Variants in TMC1 observed in about 807,000 individuals in gnomAD.
The protein encoded by TMC1 is transmembrane channel-like protein 1.
Under a neutral mutation model 105.8 loss-of-function variants are expected in TMC1, and 84 were observed. That is an observed-to-expected ratio of 0.79 (90% CI 0.67 to 0.95). The LOEUF (loss-of-function observed/expected upper bound fraction) is 0.95. Ranked by LOEUF, TMC1 falls within the 40% of genes least tolerant of loss-of-function variation. The pLI is 0.00. For synonymous variants in TMC1, 315 were observed against 311.5 expected (o/e 1.01, Z -0.12); for missense variants, 817 against 914.1 (o/e 0.89, Z 1.37).
chr9:72,579,954 AG>A (rs1199515752), intron 2 of TMC1, among the ~76,000 whole-genome samples: 2 of 152,200 alleles, frequency 1.3e-5, no homozygotes, highest in Admixed American at 1.3e-4. Context: ...GAAAAGAATG[AG>A]GAAAACAAGA....
intron 9 of TMC1, chr9:72,741,315 A>G: frequency 3.0e-6 from 1 of 338,090 alleles, no homozygotes; most frequent in Non-Finnish European, 5.5e-6. Context: ...GTATTTCAGG[A>G]CAGCCAGCTT....
chr9:72,524,276 T>C (rs1823365358), intron 1 of TMC1, among the ~76,000 whole-genome samples: 1 of 152,152 alleles, frequency 6.6e-6, no homozygotes, highest in African/African-American at 2.4e-5. Context: ...TGCCCAAACG[T>C]CTCAAAAAGG....
At chr9:72,821,369 G>T (rs1554730444) in intron 20 of TMC1, among the ~76,000 whole-genome samples, 2 of 152,080 alleles carry the variant, frequency 1.3e-5, no homozygotes, top group Non-Finnish European at 1.5e-5. Flanking sequence ...GCGTGTGGTG[G>T]TGGGTGCCTG....
At chr9:72,716,702 G>T (rs555923248) in intron 8 of TMC1, among the ~76,000 whole-genome samples, 1 of 152,140 alleles carries the variant, frequency 6.6e-6, no homozygotes, top group East Asian at 1.9e-4. Flanking sequence ...GCTGGGCTCC[G>T]TGGGAGTGGG....
At chr9:72,573,309 G>T (rs7864744) in intron 1 of TMC1, among the ~76,000 whole-genome samples, 65,907 of 151,978 alleles carry the variant, frequency 0.43, 14,746 homozygotes, top group African/African-American at 0.54. Context: ...GAAAATGAAG[G>T]CTAATTCAGA....
At chr9:72,826,721 G>A in intron 20 of TMC1, 148 bp from the exon 21 acceptor site, 1 of 794,942 alleles carries the variant, frequency 1.3e-6, no homozygotes, top group Non-Finnish European at 2.2e-6. Flanking sequence ...TGAGGTCAAA[G>A]TGTCAGCAAG....
intron 2 of TMC1, among the ~76,000 whole-genome samples, chr9:72,585,891 G>A (rs1824547559): frequency 6.6e-6 from 1 of 152,166 alleles, no homozygotes; most frequent in South Asian, 2.1e-4. Flanking sequence ...CCTGAGGCTT[G>A]CCAGTATTGA....
At chr9:72,637,988 G>T (rs1279536691) in intron 4 of TMC1, among the ~76,000 whole-genome samples, 1 of 152,118 alleles carries the variant, frequency 6.6e-6, no homozygotes, top group Non-Finnish European at 1.5e-5. Flanking sequence ...AATTGCTGTA[G>T]TTCTTATGGT....
chr9:72,797,277 A>G (rs955778061), intron 17 of TMC1, among the ~76,000 whole-genome samples: 2 of 152,226 alleles, frequency 1.3e-5, no homozygotes, highest in Non-Finnish European at 2.9e-5. Flanking sequence ...AATTTTGTTA[A>G]AATGGCCATA....
intron 23 of TMC1, among the ~76,000 whole-genome samples, chr9:72,832,251 A>G (rs36049886): frequency 6.6e-6 from 1 of 152,028 alleles, no homozygotes; most frequent in African/African-American, 2.4e-5. Context: ...TGTGCCCAGC[A>G]TTCAGGGCAC....
chr9:72,535,865 C>G (rs1292065768), intron 1 of TMC1, among the ~76,000 whole-genome samples: 1 of 152,134 alleles, frequency 6.6e-6, no homozygotes, highest in African/African-American at 2.4e-5. Context: ...CTCATGGGAA[C>G]TAATACAGTG....
chr9:72,643,511 T>C (rs1825660390), intron 4 of TMC1, among the ~76,000 whole-genome samples: 1 of 152,206 alleles, frequency 6.6e-6, no homozygotes, highest in East Asian at 1.9e-4. Context: ...TTTGTGTCAC[T>C]GCATTTTCTA....
chr9:72,646,851 A>G (rs1187865332), intron 4 of TMC1, among the ~76,000 whole-genome samples: 1 of 151,962 alleles, frequency 6.6e-6, no homozygotes, highest in Non-Finnish European at 1.5e-5. Flanking sequence ...TCTTTTAGAA[A>G]GTGTTCTGTT....
intron 5 of TMC1, among the ~76,000 whole-genome samples, chr9:72,669,692 A>T (rs1826098516): frequency 6.8e-6 from 1 of 147,700 alleles, no homozygotes; most frequent in Non-Finnish European, 1.5e-5. Flanking sequence ...CTCTTGACTC[A>T]TTTTTTTTTT....
intron 18 of TMC1, among the ~76,000 whole-genome samples, chr9:72,806,252 G>A (rs1255744185): frequency 1.3e-5 from 2 of 150,472 alleles, no homozygotes; most frequent in African/African-American, 4.9e-5. Flanking sequence ...CCCGGATGGG[G>A]CGGCTGGCCG....
rs1390688898 is a variant in TMC1 at position 72,792,034 on chromosome 9, T to C, written c.1373T>C (p.Ile458Thr). The C allele has an allele frequency of 6.2e-7, 1 of 1,614,046 alleles. No homozygotes were observed. Among genetic ancestry groups the C allele is most frequent in the Non-Finnish European group, 8.5e-7 (1 of 1,180,020 alleles). Residue 458 changes from isoleucine to threonine, a missense_variant, in exon 16 of 24, where the codon ATT becomes ACT. By Grantham distance (89) the Ile-to-Thr change is moderately conservative. Transcript: ENST00000297784. ...CTTTTAGGCAATTTATACGTATTTA[T>C]TCTTGCATTAATGGATGAGATTAAC... ...ALLLGNLYVFILALMDEINNK... is the reference protein window; with the variant it reads ...ALLLGNLYVFTLALMDEINNK...
intron 1 of TMC1, among the ~76,000 whole-genome samples, chr9:72,563,096 C>CAA (rs1450051744): frequency 4.6e-5 from 7 of 152,044 alleles, no homozygotes; most frequent in Non-Finnish European, 7.4e-5. Context: ...ACAGCATGAG[C>CAA]AAAGGTGTGG....
intron 18 of TMC1, among the ~76,000 whole-genome samples, chr9:72,808,467 C>A (rs987901689): frequency 6.6e-6 from 1 of 152,178 alleles, no homozygotes; most frequent in Non-Finnish European, 1.5e-5. Flanking sequence ...GTTCTGTTTT[C>A]TTCATAAGAT....
chr9:72,773,008 G>A (rs1357716784), intron 13 of TMC1, among the ~76,000 whole-genome samples: 1 of 152,002 alleles, frequency 6.6e-6, no homozygotes, highest in African/African-American at 2.4e-5. Context: ...AATTTTAGCT[G>A]TGTAAGACAG....
Sources: gnomAD v4.1 joint callset for allele counts (sites outside exome capture counted in the v4.1 genomes callset) on GRCh38, gnomAD v4.1.1 for gene constraint, MANE v1.5 for transcripts, NCBI Gene and HGNC (gene_info 2026-07-23, HGNC 2026-07-21) for gene names.